Variants in PCDH15 observed in about 807,000 individuals in gnomAD.
PCDH15 encodes protocadherin related 15, also known as protocadherin-15.
Under a neutral mutation model 178.5 loss-of-function variants are expected in PCDH15, and 129 were observed. That is an observed-to-expected ratio of 0.72 (90% CI 0.63 to 0.84). PCDH15 has a LOEUF of 0.84. Among genes scored for constraint, PCDH15 ranks in the 40% least tolerant of loss-of-function variants. The pLI is 0.00. For synonymous variants in PCDH15, 800 were observed against 732.0 expected (o/e 1.09, Z -1.50); for missense variants, 2,230 against 2,099.9 (o/e 1.06, Z -1.21).
At chr10:55,569,397 T>C (rs191389525) in intron 2 of PCDH15, among the ~76,000 whole-genome samples, 157 of 152,122 alleles carry the variant, frequency 1.0e-3, no homozygotes, top group African/African-American at 3.5e-3. Context: ...TATTTAGTGT[T>C]ATGCTCATCC....
chr10:54,135,561 C>T (rs948090087), intron 14 of PCDH15, among the ~76,000 whole-genome samples: 2 of 152,180 alleles, frequency 1.3e-5, no homozygotes, highest in Non-Finnish European at 2.9e-5. Context: ...TGATCTGACT[C>T]CAGAAGCAGC....
intron 3 of PCDH15, among the ~76,000 whole-genome samples, chr10:54,893,144 T>C (rs1295207090): frequency 6.6e-6 from 1 of 152,082 alleles, no homozygotes; most frequent in Non-Finnish European, 1.5e-5. Context: ...AGCTTAAAAT[T>C]CTTATTCCAG....
chr10:54,065,546 G>T (rs568113569), intron 18 of PCDH15, among the ~76,000 whole-genome samples: 2 of 152,288 alleles, frequency 1.3e-5, no homozygotes, highest in Admixed American at 6.5e-5. Context: ...GAGTTGAATC[G>T]CTTGTTGGCC....
intron 8 of PCDH15, among the ~76,000 whole-genome samples, chr10:54,314,113 A>G (rs1269364549): frequency 2.2e-5 from 3 of 133,676 alleles, no homozygotes; most frequent in African/African-American, 8.9e-5. Flanking sequence ...TATATTTAAA[A>G]GGATTTTAAT....
rs369975755 is a variant in PCDH15, at chr10:55,012,963, C to T, written c.-79-115463G>A. Among the ~76,000 whole-genome samples the T allele has an allele frequency of 1.1e-3, 167 of 152,188 alleles. 2 individuals are homozygous for T. The South Asian group carries it at 0.032, about 29-fold the overall frequency. ...TTGCATGTGTCAAAATTACTTCAAG[C>T]TCAATATATGCTACATTAAAGACAT... On this transcript the variant is annotated intron_variant, in intron 2 of 5. Coordinates refer to the PCDH15 transcript ENST00000458638.
intron 3 of PCDH15, among the ~76,000 whole-genome samples, chr10:54,893,970 G>A (rs754074858): frequency 1.4e-4 from 22 of 151,976 alleles, no homozygotes; most frequent in South Asian, 4.2e-4. Context: ...GAAAAGCAGC[G>A]TTTATACAGT....
intron 2 of PCDH15, among the ~76,000 whole-genome samples, chr10:55,031,415 A>G (rs1840605900): frequency 1.3e-5 from 2 of 152,178 alleles, no homozygotes; most frequent in South Asian, 4.1e-4. Context: ...GAAATTTATC[A>G]TCTCATATAA....
At chr10:54,106,720 G>C (rs749316989) in intron 15 of PCDH15, among the ~76,000 whole-genome samples, 1 of 152,196 alleles carries the variant, frequency 6.6e-6, no homozygotes, top group Non-Finnish European at 1.5e-5. Context: ...ACACAAAAAA[G>C]AGAGTTGACA....
chr10:55,299,242 AATAAG>A (rs1843208060), intron 1 of PCDH15, among the ~76,000 whole-genome samples: 1 of 152,172 alleles, frequency 6.6e-6, no homozygotes, highest in African/African-American at 2.4e-5. Flanking sequence ...GACAGATAGA[AATAAG>A]ATGTAACCCA....
chr10:54,132,733 T>G (rs1344022250), intron 15 of PCDH15, 142 bp downstream of exon 15: 1 of 1,411,844 alleles, frequency 7.1e-7, no homozygotes, highest in African/African-American at 1.4e-5. Flanking sequence ...TGCTTTCCTT[T>G]CCAGATGGAA....
chr10:54,767,984 T>G (rs1038121125), intron 1 of PCDH15, among the ~76,000 whole-genome samples: 7 of 152,172 alleles, frequency 4.6e-5, no homozygotes, highest in Non-Finnish European at 8.8e-5. Flanking sequence ...TATTATCTAA[T>G]TTTACCAAAT....
intron 1 of PCDH15, among the ~76,000 whole-genome samples, chr10:55,289,266 C>T (rs1330406856): frequency 1.3e-5 from 2 of 151,860 alleles, no homozygotes; most frequent in Admixed American, 6.6e-5. Flanking sequence ...TTTACATACT[C>T]TCATACCATT....
In PCDH15 at chr10:54,189,327, C is replaced by T. The variant is rs1413643161; in HGVS notation, c.1306-4059G>A. On this transcript the variant is annotated intron_variant, in intron 11 of 37. Transcript: ENST00000644397. ...CAAGGAAATAAACCACAGCAATTAA[C>T]AAAAGAACAATCACAAGCTTAACAC... 9 of 1,548,838 alleles carry T rather than the reference C, an allele frequency of 5.8e-6. No individual in the cohort carries two copies. In the South Asian group the frequency reaches 7.1e-5, roughly 12 times the overall value.
At chr10:54,512,228 T>C (rs2081748989) in intron 3 of PCDH15, among the ~76,000 whole-genome samples, 1 of 152,130 alleles carries the variant, frequency 6.6e-6, no homozygotes, top group Non-Finnish European at 1.5e-5. Context: ...TAAGAGTTCT[T>C]ATTAAATTTA....
chr10:55,481,233 C>T (rs1343618200), intron 2 of PCDH15, among the ~76,000 whole-genome samples: 2 of 151,412 alleles, frequency 1.3e-5, no homozygotes, highest in African/African-American at 2.4e-5. Flanking sequence ...CTGTTTTTTA[C>T]TTTATTATTC....
intron 27 of PCDH15, 70 bp downstream of exon 27, chr10:53,866,572 A>G: frequency 3.4e-6 from 4 of 1,168,254 alleles, no homozygotes; most frequent in Non-Finnish European, 5.1e-6. Context: ...TAGAAGTTCT[A>G]TAAACTGAAA....
chr10:53,874,735 T>C (rs1316549926), intron 26 of PCDH15, among the ~76,000 whole-genome samples: 5 of 91,538 alleles, frequency 5.5e-5, no homozygotes, highest in Admixed American at 1.4e-4. Flanking sequence ...AAAAAGTCCG[T>C]TGAGATAAAA....
At chr10:54,308,823 T>C (rs2060714217) in intron 8 of PCDH15, among the ~76,000 whole-genome samples, 2 of 149,758 alleles carry the variant, frequency 1.3e-5, no homozygotes, top group Admixed American at 6.7e-5. Flanking sequence ...CACACACCAC[T>C]TTTAGAATCA....
chr10:53,888,467 T>C (rs2081307538), intron 26 of PCDH15, among the ~76,000 whole-genome samples: 1 of 142,848 alleles, frequency 7.0e-6, no homozygotes, highest in Admixed American at 7.2e-5. Flanking sequence ...ATGCATAAGT[T>C]CAGATGTAAT....
Sources: gnomAD v4.1 joint callset for allele counts (sites outside exome capture counted in the v4.1 genomes callset) on GRCh38, gnomAD v4.1.1 for gene constraint, MANE v1.5 for transcripts, NCBI Gene and HGNC (gene_info 2026-07-23, HGNC 2026-07-21) for gene names.